RGS20: variants seen among roughly 807,000 people sequenced by gnomAD.
RGS20 encodes the protein gz-selective GTPase-activating protein.
In RGS20, 30 loss-of-function variants were observed where a neutral mutation model predicts 33.6. That is an observed-to-expected ratio of 0.89 (90% CI 0.67 to 1.21). RGS20 has a LOEUF of 1.21. Ranked by LOEUF, RGS20 falls within the 50% of genes most tolerant of loss-of-function variation. The pLI, the probability that RGS20 is intolerant of heterozygous loss-of-function variation, is 0.00. For synonymous variants in RGS20, 208 were observed against 197.9 expected (o/e 1.05, Z -0.43); for missense variants, 472 against 502.4 (o/e 0.94, Z 0.58).
In RGS20 at chr8:53,879,552, G is replaced by A. The variant is rs534392696; in HGVS notation, c.460G>A (p.Ala154Thr). ...TCCGCTGAGGCCCCCCCATCCGGTA[G>A]CCAAGCCCAGGGAAGAAGACGCCAC... The change falls in exon 2 of 6, where the codon GCC (alanine) becomes ACC (threonine). Residue 154 changes from alanine to threonine, a missense_variant. Physicochemically the swap from Ala to Thr is moderately conservative, Grantham distance 58. Coordinates refer to ENST00000297313, the MANE Select transcript of RGS20 (RefSeq NM_170587.4). 2 of 1,541,894 alleles carry A rather than the reference G, an allele frequency of 1.3e-6. No individual in the cohort carries two copies. Among genetic ancestry groups the A allele is most frequent in the South Asian group, 1.2e-5 (1 of 83,278 alleles).
At chr8:53,956,753 C>A (rs1048230512) in intron 5 of RGS20, among the ~76,000 whole-genome samples, 1 of 152,122 alleles carries the variant, frequency 6.6e-6, no homozygotes, top group Non-Finnish European at 1.5e-5. Context: ...TAATAAGGAG[C>A]AAGATAATTT....
chr8:53,884,918 C>T (rs1480158697), intron 2 of RGS20, among the ~76,000 whole-genome samples: 3 of 152,210 alleles, frequency 2.0e-5, no homozygotes, highest in Non-Finnish European at 2.9e-5. Context: ...CCAGCATTAG[C>T]ATTTTAGGCC....
intron 4 of RGS20, among the ~76,000 whole-genome samples, chr8:53,951,540 A>G (rs1814708015): frequency 6.6e-6 from 1 of 152,034 alleles, no homozygotes. Context: ...TTAATAAGCT[A>G]TATTTATTGG....
At chr8:53,859,116 T>C (rs1464965701) in intron 1 of RGS20, among the ~76,000 whole-genome samples, 8 of 152,172 alleles carry the variant, frequency 5.3e-5, no homozygotes, top group Non-Finnish European at 7.3e-5. Flanking sequence ...AGATTTTTTG[T>C]ATTTTGAAAA....
intron 2 of RGS20, among the ~76,000 whole-genome samples, chr8:53,928,217 A>C: frequency 6.6e-6 from 1 of 152,104 alleles, no homozygotes; most frequent in Non-Finnish European, 1.5e-5. Flanking sequence ...GCTTCTTTTT[A>C]ATATTCATGT....
At chr8:53,922,105 A>G (rs1430641558) in intron 2 of RGS20, among the ~76,000 whole-genome samples, 1 of 151,884 alleles carries the variant, frequency 6.6e-6, no homozygotes, top group African/African-American at 2.4e-5. Flanking sequence ...AAGGTATTGA[A>G]CTTTATTACT....
At chr8:53,923,648 A>G (rs1483935339) in intron 2 of RGS20, among the ~76,000 whole-genome samples, 1 of 152,124 alleles carries the variant, frequency 6.6e-6, no homozygotes, top group African/African-American at 2.4e-5. Flanking sequence ...ATAACTCACT[A>G]GTTATATGAT....
At chr8:53,870,202 T>C (rs1812031267) in intron 1 of RGS20, among the ~76,000 whole-genome samples, 1 of 152,224 alleles carries the variant, frequency 6.6e-6, no homozygotes, top group South Asian at 2.1e-4. Flanking sequence ...TTCACTTTTT[T>C]CAGCTCCTAA....
At chr8:53,885,775 A>G (rs1291651471) in intron 2 of RGS20, among the ~76,000 whole-genome samples, 1 of 147,948 alleles carries the variant, frequency 6.8e-6, no homozygotes, top group Non-Finnish European at 1.5e-5. Context: ...TGAACTGGAT[A>G]CTGAGTATCT....
At chr8:53,908,239 A>C (rs1363801112) in intron 2 of RGS20, among the ~76,000 whole-genome samples, 1 of 152,234 alleles carries the variant, frequency 6.6e-6, no homozygotes, top group Non-Finnish European at 1.5e-5. Context: ...CAGACAAGGC[A>C]GCTATGGAAA....
chr8:53,944,866 T>C (rs1233952026), intron 3 of RGS20, among the ~76,000 whole-genome samples: 2 of 152,186 alleles, frequency 1.3e-5, no homozygotes, highest in African/African-American at 4.8e-5. Context: ...TGAAAAGATG[T>C]TCCACATCAG....
intron 2 of RGS20, among the ~76,000 whole-genome samples, chr8:53,934,119 G>A (rs371285464): frequency 5.3e-5 from 8 of 152,032 alleles, no homozygotes; most frequent in African/African-American, 1.9e-4. Context: ...TACTACACAC[G>A]GAAAGGAAAA....
intron 2 of RGS20, among the ~76,000 whole-genome samples, chr8:53,900,166 T>A (rs988310227): frequency 6.6e-6 from 1 of 152,160 alleles, no homozygotes; most frequent in African/African-American, 2.4e-5. Context: ...CCAATTTGTT[T>A]ACAGTCTTTT....
rs1467374018 is a variant in RGS20, at chr8:53,958,846, G to A, written c.*388G>A. 6.6e-6 allele frequency: 1 copy of A among 152,594 alleles called. No individual in the cohort carries two copies. The highest frequency in any genetic ancestry group is 1.9e-4 in the East Asian group (1 of 5,208). 9.5% of individuals were successfully genotyped at this position (152,594 alleles called of 1,614,324 possible). A position where few individuals can be genotyped will look rare whatever the true frequency, so the allele number is the denominator to read the frequency against. On this transcript the variant is annotated 3_prime_UTR_variant, in exon 6 of 6. Transcript: ENST00000297313. ...CTGATTACTCTCCCCTCAAAGAAAA[G>A]ACATTCAGGTGTTTCTCAACGACAT... is the stretch of plus-strand genomic sequence containing the variant.
intron 1 of RGS20, among the ~76,000 whole-genome samples, chr8:53,864,364 T>G (rs1160339072): frequency 1.3e-5 from 2 of 150,074 alleles, no homozygotes; most frequent in Admixed American, 6.7e-5. Context: ...AACCCAGGAG[T>G]TGGAGGTTGC....
intron 2 of RGS20, among the ~76,000 whole-genome samples, chr8:53,903,355 G>A (rs1415707365): frequency 6.6e-6 from 1 of 152,158 alleles, no homozygotes; most frequent in African/African-American, 2.4e-5. Context: ...TTTGTTACAG[G>A]ATAAGAAATC....
Position 53,930,788 on chromosome 8 carries a change from A to T in RGS20, c.511-8788A>T, listed in dbSNP as rs142619547. Among the ~76,000 whole-genome samples the T allele has an allele frequency of 5.6e-3, 853 of 152,212 alleles. 6 individuals carry two copies. The highest frequency in any genetic ancestry group is 9.1e-3 in the Non-Finnish European group (621 of 67,998). On this transcript the variant is annotated intron_variant, in intron 2 of 5. Transcript: ENST00000297313. Reference sequence around the variant, plus strand: ...GGTCTCGAACTCCTGACCTCAAGTGATCTGCCTGCCTCGGCCTCCCAAGGA... The same window carrying T: ...GGTCTCGAACTCCTGACCTCAAGTGTTCTGCCTGCCTCGGCCTCCCAAGGA...
chr8:53,878,972 A>G (rs1012200452), intron 1 of RGS20, among the ~76,000 whole-genome samples: 3 of 152,152 alleles, frequency 2.0e-5, no homozygotes, highest in Non-Finnish European at 1.5e-5. Flanking sequence ...TACCATGCAG[A>G]TTCCGATGCA....
rs1812305076 is a variant in RGS20, at chr8:53,879,761, A to G, written c.510+159A>G. 8 of 592,084 alleles carry G rather than the reference A, an allele frequency of 1.4e-5. No homozygotes were observed. In the South Asian group the frequency reaches 2.6e-4, roughly 19 times the overall value. The allele number at this position is 592,084 out of a possible 1,614,324, so 36.7% of individuals were successfully genotyped here. A position where few individuals can be genotyped will look rare whatever the true frequency, so the allele number is the denominator to read the frequency against. On this transcript the variant is annotated intron_variant, in intron 2 of 5. Transcript: ENST00000297313. Reference sequence around the variant, plus strand: ...GGGACGTGGCTGGGCAAGTCCTAGGACGGGACATTGGCGGCTCCCGGGACA... The same window carrying G: ...GGGACGTGGCTGGGCAAGTCCTAGGGCGGGACATTGGCGGCTCCCGGGACA...
Sources: allele counts gnomAD v4.1 joint callset (sites outside exome capture counted in the v4.1 genomes callset), GRCh38; gene constraint gnomAD v4.1.1; transcripts MANE v1.5; gene names NCBI Gene and HGNC (gene_info 2026-07-23, HGNC 2026-07-21).